The following RBFOX3 variants were observed in gnomAD, a reference collection of about 807,000 sequenced individuals.
RBFOX3 encodes RNA binding protein fox-1 homolog 3.
Under a neutral mutation model 48.7 loss-of-function variants are expected in RBFOX3, and 17 were observed. The ratio of observed to expected loss-of-function variants is 0.35; its 90% CI spans 0.24 to 0.52. The LOEUF (loss-of-function observed/expected upper bound fraction) is 0.52, where lower values mean the gene tolerates loss of function less well. Among genes scored for constraint, RBFOX3 ranks in the 20% least tolerant of loss-of-function variants. The probability of loss-of-function intolerance (pLI) is 0.94; values close to 1 mark genes in which losing one functional copy is unlikely to be tolerated. For missense variants in RBFOX3, 382 were observed against 497.5 expected, an observed-to-expected ratio of 0.77 and a Z score of 2.21; for synonymous variants, 212 against 209.5, an observed-to-expected ratio of 1.01 and a Z score of -0.10.
At chr17:79,422,975 T>G (rs1370626924) in intron 2 of RBFOX3, among the ~76,000 whole-genome samples, 1 of 151,246 alleles carries the variant, frequency 6.6e-6, no homozygotes, top group Non-Finnish European at 1.5e-5. Context: ...CCACGTGAGG[T>G]CGCAGGGAGA....
At chr17:79,348,571 C>CTTTTT (rs71358701) in intron 2 of RBFOX3, among the ~76,000 whole-genome samples, 6 of 75,164 alleles carry the variant, frequency 8.0e-5, no homozygotes, top group South Asian at 6.2e-4. Flanking sequence ...TTTTCTTTTC[C>CTTTTT]TTTTTTTTTT....
intron 5 of RBFOX3, among the ~76,000 whole-genome samples, chr17:79,114,558 C>T (rs766454943): frequency 2.0e-5 from 3 of 152,220 alleles, no homozygotes; most frequent in Non-Finnish European, 4.4e-5. Flanking sequence ...CCACGCAGCA[C>T]GCTGGGAGCC....
intron 1 of RBFOX3, among the ~76,000 whole-genome samples, chr17:79,553,996 A>G (rs1356614882): frequency 7.2e-5 from 11 of 152,138 alleles, no homozygotes; most frequent in Non-Finnish European, 1.6e-4. Context: ...GGCCTCCCAA[A>G]ATGCTGGGAT....
At chr17:79,419,126 C>T (rs782438622) in intron 2 of RBFOX3, among the ~76,000 whole-genome samples, 2 of 152,176 alleles carry the variant, frequency 1.3e-5, no homozygotes, top group African/African-American at 2.4e-5. Flanking sequence ...TTTTTCCCCA[C>T]GCCCCCTCCT....
intron 2 of RBFOX3, among the ~76,000 whole-genome samples, chr17:79,463,666 C>T (rs2075874256): frequency 7.5e-6 from 1 of 133,950 alleles, no homozygotes; most frequent in Admixed American, 7.7e-5. Context: ...TCGCCACCGC[C>T]ACCTCCACTG....
rs1222268114 is a variant in RBFOX3 at position 79,535,621 on chromosome 17, A to C, written c.-319-53023T>G. Among the ~76,000 whole-genome samples, 9 of 152,164 alleles carry C rather than the reference A, an allele frequency of 5.9e-5. No individual in the cohort carries two copies. The highest frequency in any genetic ancestry group is 1.9e-4 in the African/African-American group (8 of 41,428). On this transcript the variant is annotated intron_variant, in intron 1 of 14. Transcript: ENST00000693108. This position sits in a 1 kb window ranked among gnomAD's most constrained non-coding sequence, Gnocchi z 4.5. The stretch of plus-strand genomic sequence containing the variant: ...ATGGCTGCGGTCCTGGCCAGACCAC[A>C]TTCTGGGCGGACAAGGCAGGATAGC...
chr17:79,528,538 G>A (rs1001235486), intron 1 of RBFOX3, among the ~76,000 whole-genome samples: 3 of 152,154 alleles, frequency 2.0e-5, no homozygotes, highest in Admixed American at 1.3e-4. Context: ...ACTCTGAAGA[G>A]GATCTTAGTT....
At chr17:79,504,076 GCACCGTC>G (rs1465491891) in intron 1 of RBFOX3, among the ~76,000 whole-genome samples, 6 of 152,034 alleles carry the variant, frequency 3.9e-5, no homozygotes, top group Admixed American at 6.5e-5. Flanking sequence ...GAGCTCCTGA[GCACCGTC>G]CCCTGAGAGA....
In RBFOX3 at chr17:79,330,891, C is replaced by G. The variant is rs148491714; in HGVS notation, c.-174-23067G>C. On this transcript the variant is annotated intron_variant, in intron 2 of 14. Transcript: ENST00000693108. ...GCTTCTGGTCTCAGGGCTCTGACAG[C>G]CTGGGGCAGCCGTCGGCCACGTCTC... 3.6e-3 allele frequency among the ~76,000 whole-genome samples: 546 copies of G among 152,322 alleles called. 4 individuals are homozygous for G. Among genetic ancestry groups the G allele is most frequent in the African/African-American group, 0.012 (519 of 41,572 alleles).
In RBFOX3 at chr17:79,473,820, C is replaced by T. The variant is rs1438658274; in HGVS notation, c.-175+8634G>A. 6.6e-6 allele frequency among the ~76,000 whole-genome samples: 1 copy of T among 152,050 alleles called. No homozygotes were observed. The highest frequency in any genetic ancestry group is 1.9e-4 in the East Asian group (1 of 5,192). ...TTCCGCCTCCATTTTTCTCCTCCTC[C>T]TAAAAGCACACACACACACTCACAC... On this transcript the variant is annotated intron_variant, in intron 2 of 14. Transcript: ENST00000693108. This position sits in a 1 kb window ranked among gnomAD's most constrained non-coding sequence, Gnocchi z 4.2.
chr17:79,188,633 G>T (rs918632350), intron 4 of RBFOX3, among the ~76,000 whole-genome samples: 1 of 152,218 alleles, frequency 6.6e-6, no homozygotes, highest in Admixed American at 6.5e-5. Flanking sequence ...GGAGGAATGC[G>T]CTCAGAGAAG....
At chr17:79,148,592 T>G (rs1462643408) in intron 4 of RBFOX3, among the ~76,000 whole-genome samples, 3 of 152,240 alleles carry the variant, frequency 2.0e-5, no homozygotes, top group African/African-American at 7.2e-5. Context: ...CGCTTCCTAG[T>G]CTTCAACTGA....
At chr17:79,623,966 G>A in the RBFOX3 span, among the ~76,000 whole-genome samples, 1 of 152,156 alleles carries the variant, frequency 6.6e-6, no homozygotes, top group African/African-American at 2.4e-5. Context: ...GGAGCTGGGA[G>A]CCAAGGAGCG....
At chr17:79,352,254 G>T (rs1393737357) in intron 2 of RBFOX3, among the ~76,000 whole-genome samples, 2 of 152,144 alleles carry the variant, frequency 1.3e-5, no homozygotes, top group African/African-American at 4.8e-5. Flanking sequence ...CAACCCCCTA[G>T]TGCTATCTCA....
intron 4 of RBFOX3, among the ~76,000 whole-genome samples, chr17:79,149,354 G>A (rs897441194): frequency 6.6e-6 from 1 of 152,128 alleles, no homozygotes; most frequent in Non-Finnish European, 1.5e-5. Flanking sequence ...GTGGGGGCAC[G>A]GGGGAGGACA....
At chr17:79,142,854 T>TG (rs1599644852) in intron 4 of RBFOX3, among the ~76,000 whole-genome samples, 1 of 152,118 alleles carries the variant, frequency 6.6e-6, no homozygotes, top group East Asian at 1.9e-4. Flanking sequence ...TGTTCAAGGA[T>TG]GGGGGGAGAA....
At chr17:79,513,185 C>T (rs2084732857) in intron 1 of RBFOX3, among the ~76,000 whole-genome samples, 1 of 151,542 alleles carries the variant, frequency 6.6e-6, no homozygotes, top group African/African-American at 2.4e-5. Flanking sequence ...ATACATGTTA[C>T]CATCAGGTAC....
intron 4 of RBFOX3, among the ~76,000 whole-genome samples, chr17:79,146,222 G>A (rs139914880): frequency 6.6e-6 from 1 of 152,286 alleles, no homozygotes; most frequent in East Asian, 1.9e-4. Context: ...GACCCCTGAC[G>A]TAGGTTGTCA....
intron 3 of RBFOX3, among the ~76,000 whole-genome samples, chr17:79,257,374 C>T (rs2065049841): frequency 6.6e-6 from 1 of 152,186 alleles, no homozygotes. Context: ...AATAGCTTCC[C>T]CAGAATACAA....
Sources: gnomAD v4.1 joint callset for allele counts (sites outside exome capture counted in the v4.1 genomes callset) on GRCh38, gnomAD v4.1.1 for gene constraint, Gnocchi (gnomAD v3.1) non-coding constraint, MANE v1.5 for transcripts, NCBI Gene and HGNC (gene_info 2026-07-23, HGNC 2026-07-21) for gene names.